Variants in KLRG1 observed in about 807,000 individuals in gnomAD.
KLRG1 encodes the protein killer cell lectin like receptor G1, also known as killer cell lectin-like receptor subfamily G member 1.
Under a neutral mutation model 21.8 loss-of-function variants are expected in KLRG1, and 16 were observed. The observed-to-expected ratio is 0.73, with a 90% confidence interval of 0.50 to 1.11. The LOEUF (loss-of-function observed/expected upper bound fraction) is 1.11. Ranked by LOEUF, KLRG1 falls within the 50% of genes most tolerant of loss-of-function variation. The pLI, the probability that KLRG1 is intolerant of heterozygous loss-of-function variation, is 0.00. For missense variants in KLRG1, 173 were observed against 218.3 expected (o/e 0.79, Z 1.31); for synonymous variants, 69 against 75.9 (o/e 0.91, Z 0.47).
At chr12:9,145,811 G>A in the KLRG1 span, among the ~76,000 whole-genome samples, 1 of 152,114 alleles carries the variant, frequency 6.6e-6, no homozygotes, top group Non-Finnish European at 1.5e-5. Flanking sequence ...GGTTTCCCAG[G>A]TATAGTATTC....
the KLRG1 span, chr12:9,128,047 A>T: frequency 6.1e-5 from 14 of 230,960 alleles, no homozygotes; most frequent in Non-Finnish European, 1.1e-4. Context: ...GCAGACATCA[A>T]GGCCTGCGCA....
chr12:9,179,292 C>G, the KLRG1 span, among the ~76,000 whole-genome samples: 96 of 152,206 alleles, frequency 6.3e-4, 1 homozygote, highest in African/African-American at 2.3e-3. Flanking sequence ...TTTTGCTGAT[C>G]CACCTATATC....
the KLRG1 span, among the ~76,000 whole-genome samples, chr12:9,053,457 C>G: frequency 6.6e-6 from 1 of 152,108 alleles, no homozygotes; most frequent in East Asian, 1.9e-4. Context: ...GCGACCCCAC[C>G]ACATTTGTTC....
At chr12:9,023,266 C>A in the KLRG1 span, among the ~76,000 whole-genome samples, 287 of 152,308 alleles carry the variant, frequency 1.9e-3, 2 homozygotes, top group African/African-American at 6.7e-3. Flanking sequence ...CACTTAGCTG[C>A]TGACCTCTGG....
the KLRG1 span, among the ~76,000 whole-genome samples, chr12:9,063,794 A>G: frequency 2.0e-5 from 3 of 152,222 alleles, no homozygotes; most frequent in South Asian, 6.2e-4. Flanking sequence ...GAGGAATCCT[A>G]TTTTGTTTAA....
At chr12:9,094,383 A>G in the KLRG1 span, among the ~76,000 whole-genome samples, 1 of 145,566 alleles carries the variant, frequency 6.9e-6, no homozygotes, top group East Asian at 2.0e-4. Flanking sequence ...ATACCTATAC[A>G]TGCATAAATT....
At chr12:8,960,756 C>T (rs1194574768) in intron 1 of KLRG1, among the ~76,000 whole-genome samples, 1 of 152,078 alleles carries the variant, frequency 6.6e-6, no homozygotes, top group Non-Finnish European at 1.5e-5. Flanking sequence ...TGTTTATTGT[C>T]CAGTATAATA....
the KLRG1 span, chr12:9,067,440 A>C: frequency 3.4e-6 from 1 of 294,922 alleles, no homozygotes; most frequent in South Asian, 3.7e-5. Flanking sequence ...TCAGTCTTTT[A>C]TTTTCTCATA....
the KLRG1 span, among the ~76,000 whole-genome samples, chr12:9,105,592 T>C: frequency 6.6e-6 from 1 of 152,134 alleles, no homozygotes; most frequent in African/African-American, 2.4e-5. Context: ...GTCATAAAGA[T>C]CCATTTGCAC....
intron 1 of KLRG1, among the ~76,000 whole-genome samples, chr12:8,968,673 C>T (rs934520971): frequency 1.3e-5 from 2 of 152,098 alleles, no homozygotes; most frequent in Non-Finnish European, 2.9e-5. Flanking sequence ...TTTTCCAGTG[C>T]ACACAGACTT....
the KLRG1 span, chr12:9,197,202 T>C: frequency 3.2e-6 from 3 of 944,428 alleles, no homozygotes; most frequent in Admixed American, 1.9e-5. Context: ...GAACTGTCCC[T>C]CTTTAGAGTT....
the KLRG1 span, among the ~76,000 whole-genome samples, chr12:9,021,503 C>T: frequency 3.3e-5 from 5 of 150,702 alleles, no homozygotes; most frequent in Admixed American, 6.6e-5. Flanking sequence ...TGGGTTCAAG[C>T]GATTCTCACG....
the KLRG1 span, chr12:9,160,408 T>C: frequency 1.9e-6 from 3 of 1,614,044 alleles, no homozygotes; most frequent in South Asian, 1.1e-5. Flanking sequence ...TAGGAGCAAA[T>C]AGGACCATGT....
the KLRG1 span, chr12:9,192,423 G>A: frequency 7.5e-7 from 1 of 1,339,508 alleles, no homozygotes; most frequent in Admixed American, 1.8e-5. Flanking sequence ...GTGGCTGTGT[G>A]CAAGTAGTTT....
At chr12:9,028,778 T>C in the KLRG1 span, 1 of 594,350 alleles carries the variant, frequency 1.7e-6, no homozygotes, top group Non-Finnish European at 3.2e-6. Flanking sequence ...AAACATATTT[T>C]TCACAGTTAA....
chr12:9,131,551 G>A, the KLRG1 span, among the ~76,000 whole-genome samples: 1 of 151,980 alleles, frequency 6.6e-6, no homozygotes. Context: ...TACTAGAGGT[G>A]AAAAAGTTAG....
chr12:9,048,877 G>T, the KLRG1 span, among the ~76,000 whole-genome samples: 1 of 152,206 alleles, frequency 6.6e-6, no homozygotes, highest in South Asian at 2.1e-4. Context: ...ATACAGACTG[G>T]TAAGGAAGAA....
intron 3 of KLRG1, among the ~76,000 whole-genome samples, chr12:9,007,427 T>A (rs1312611490): frequency 6.6e-6 from 1 of 152,064 alleles, no homozygotes; most frequent in Non-Finnish European, 1.5e-5. Flanking sequence ...TGCCTAATTT[T>A]TTATTTTTAT....
the KLRG1 span, among the ~76,000 whole-genome samples, chr12:9,184,031 G>A: frequency 6.6e-6 from 1 of 152,146 alleles, no homozygotes; most frequent in Admixed American, 6.5e-5. Context: ...AAGGAAAGTG[G>A]GGTAGATTGA....
Sources: gnomAD v4.1 joint callset for allele counts (sites outside exome capture counted in the v4.1 genomes callset) on GRCh38, gnomAD v4.1.1 for gene constraint, MANE v1.5 for transcripts, NCBI Gene and HGNC (gene_info 2026-07-23, HGNC 2026-07-21) for gene names.